Variants in UBR1 observed in about 807,000 individuals in gnomAD.
The protein encoded by UBR1 is E3 ubiquitin-protein ligase UBR1.
In UBR1, 102 loss-of-function variants were observed where a neutral mutation model predicts 242.1. The ratio of observed to expected loss-of-function variants is 0.42; its 90% CI spans 0.36 to 0.50. UBR1 has a LOEUF of 0.50. Ranked by LOEUF, UBR1 falls within the 20% of genes least tolerant of loss-of-function variation. The probability of loss-of-function intolerance (pLI) is 0.01; values close to 1 mark genes in which losing one functional copy is unlikely to be tolerated. For missense variants in UBR1, 1,772 were observed against 2,101.8 expected, an observed-to-expected ratio of 0.84 and a Z score of 3.07; for synonymous variants, 675 against 684.8, an observed-to-expected ratio of 0.99 and a Z score of 0.22.
At chr15:42,986,735 C>T (rs2032465956) in intron 35 of UBR1, among the ~76,000 whole-genome samples, 1 of 152,188 alleles carries the variant, frequency 6.6e-6, no homozygotes, top group African/African-American at 2.4e-5. Context: ...CAAGCACATC[C>T]ACCCACAGTG....
chr15:42,956,684 T>C (rs1034673710), intron 44 of UBR1, among the ~76,000 whole-genome samples: 2 of 152,228 alleles, frequency 1.3e-5, no homozygotes, highest in African/African-American at 4.8e-5. Context: ...TCCAGGGGAA[T>C]GCTTAATAAA....
chr15:43,056,465 C>A, intron 10 of UBR1, 23 bp from the exon 11 acceptor site: 5 of 1,507,806 alleles, frequency 3.3e-6, no homozygotes, highest in South Asian at 2.3e-5. Flanking sequence ...AGTAGAGAAT[C>A]AATTATAAAT....
intron 15 of UBR1, among the ~76,000 whole-genome samples, chr15:43,040,738 A>T (rs1468896064): frequency 6.6e-6 from 1 of 152,262 alleles, no homozygotes; most frequent in Non-Finnish European, 1.5e-5. Flanking sequence ...GGACTCAAAC[A>T]AATTTACAAG....
intron 29 of UBR1, among the ~76,000 whole-genome samples, chr15:43,014,474 G>T (rs1365230902): frequency 2.0e-5 from 3 of 152,084 alleles, no homozygotes; most frequent in African/African-American, 7.2e-5. Context: ...TCTAGGAAGT[G>T]AGGAGCGTCT....
At position 43,067,942 on chromosome 15, in the gene UBR1, C is replaced by G; in HGVS notation, c.754G>C (p.Glu252Gln). Reference protein sequence around the residue: ...IYSLQRALDCELAEAQLHTTA... With the variant: ...IYSLQRALDCQLAEAQLHTTA... The stretch of plus-strand genomic sequence containing the variant: ...GTATGCAACTGGGCCTCTGCGAGCT[C>G]ACAGTCAAGAGCTCTTTGTAGGCTG... Residue 252 changes from glutamate to glutamine, a missense_variant, in exon 6 of 47, where the codon GAG becomes CAG. This residue lies in a region of UBR1 where 734 missense variants were observed against 893.3 expected (regional missense o/e 0.82). Coordinates refer to ENST00000290650, the MANE Select transcript of UBR1 (RefSeq NM_174916.3). The G allele has an allele frequency of 6.2e-7, 1 of 1,613,882 alleles. No individual in the cohort carries two copies. The highest frequency in any genetic ancestry group is 1.1e-5 in the South Asian group (1 of 91,064).
At position 43,015,854 on chromosome 15, in the gene UBR1, C is replaced by T; in HGVS notation, c.3043G>A (p.Glu1015Lys). ...GCTTTTCTTTTTCGTTCTGCTTTTTCTTTATCATGAGTAATCTGGGTATTA... is the reference window on the plus strand; with the variant it reads ...GCTTTTCTTTTTCGTTCTGCTTTTTTTTTATCATGAGTAATCTGGGTATTA... ...IKNDEITHDK[E>K]KAERKRKAEA... The change falls in exon 29 of 47, where the codon GAA becomes AAA. Residue 1015 changes from glutamate to lysine, a missense_variant. Transcript: ENST00000290650. 1 of 1,613,914 alleles carries T rather than the reference C, an allele frequency of 6.2e-7. No individual in the cohort carries two copies. Among genetic ancestry groups the T allele is most frequent in the Non-Finnish European group, 8.5e-7 (1 of 1,179,964 alleles).
intron 11 of UBR1, among the ~76,000 whole-genome samples, chr15:43,055,742 C>T (rs2033609879): frequency 6.6e-6 from 1 of 152,078 alleles, no homozygotes. Context: ...TGGTGAAACC[C>T]CGTCTCTACT....
chr15:43,011,641 T>G (rs1471879544), intron 29 of UBR1, among the ~76,000 whole-genome samples: 1 of 152,160 alleles, frequency 6.6e-6, no homozygotes, highest in East Asian at 1.9e-4. Flanking sequence ...TAAGTATTAG[T>G]GAGAACAAAG....
chr15:43,085,217 A>G (rs1472983757), intron 2 of UBR1, among the ~76,000 whole-genome samples: 1 of 152,250 alleles, frequency 6.6e-6, no homozygotes, highest in African/African-American at 2.4e-5. Context: ...ACATGCGACT[A>G]CAGGCATGAT....
chr15:43,037,835 C>A lies in UBR1; in HGVS notation c.1960G>T (p.Val654Leu). 2 of 1,614,118 alleles carry A rather than the reference C, an allele frequency of 1.2e-6. No homozygotes were observed. Among genetic ancestry groups the A allele is most frequent in the Non-Finnish European group, 1.7e-6 (2 of 1,180,012 alleles). The change falls in exon 17 of 47, where the codon GTG (valine) becomes TTG (leucine). Residue 654 changes from valine (V) to leucine (L), a missense_variant. Val to Leu is a conservative substitution (Grantham distance 32). This residue lies in a region of UBR1 where 734 missense variants were observed against 893.3 expected (regional missense o/e 0.82). Transcript: ENST00000290650. ...VLVEYPLRCL[V>L]LVAQVVAEMW... ...TCAGCAACAACCTGGGCAACCAACA[C>A]CAGACAACGTAAAGGATATTCCACT... is the stretch of plus-strand genomic sequence containing the variant.
intron 11 of UBR1, among the ~76,000 whole-genome samples, chr15:43,055,490 T>C (rs2033606412): frequency 2.0e-5 from 3 of 152,148 alleles, no homozygotes; most frequent in Admixed American, 2.0e-4. Flanking sequence ...ATATACTTCA[T>C]GACTTCTAGC....
intron 5 of UBR1, 148 bp downstream of exon 5, chr15:43,070,647 A>G (rs2033813646): frequency 1.6e-6 from 2 of 1,244,010 alleles, no homozygotes; most frequent in Admixed American, 1.8e-5. Context: ...ATACAAACGG[A>G]CATTTTGAAA....
intron 2 of UBR1, 132 bp downstream of exon 2, chr15:43,085,852 G>C (rs748591563): frequency 2.1e-6 from 2 of 968,870 alleles, no homozygotes; most frequent in Non-Finnish European, 2.9e-6. Context: ...GGAGGCAGAG[G>C]TTGCAGTGAC....
chr15:43,030,070 T>C lies in UBR1; in HGVS notation c.2255-2A>G. 6.2e-7 allele frequency: 1 copy of C among 1,613,438 alleles called. No individual in the cohort carries two copies. The highest frequency in any genetic ancestry group is 8.5e-7 in the Non-Finnish European group (1 of 1,179,752). ...CCACTCCAGGTACATAACGCTCACC[T>C]AGTTCAAATAATTAAAAACAAAAAA... On this transcript the variant is annotated splice_acceptor_variant, in intron 20 of 46. Coordinates refer to ENST00000290650, the MANE Select transcript of UBR1 (RefSeq NM_174916.3). LOFTEE classifies it high-confidence loss of function.
At chr15:42,971,964 A>G (rs1350836663) in intron 39 of UBR1, among the ~76,000 whole-genome samples, 1 of 152,206 alleles carries the variant, frequency 6.6e-6, no homozygotes, top group East Asian at 1.9e-4. Flanking sequence ...CCACCTATCA[A>G]CATTTGGCAC....
intron 2 of UBR1, among the ~76,000 whole-genome samples, chr15:43,085,776 C>A (rs572983988): frequency 6.6e-6 from 1 of 151,932 alleles, no homozygotes; most frequent in African/African-American, 2.4e-5. Context: ...CCCAGCCAGA[C>A]GTGGTGGCGG....
At position 43,003,817 on chromosome 15, in the gene UBR1, A is replaced by G; in HGVS notation, c.3509+20T>C. 1 of 1,612,418 alleles carries G rather than the reference A, an allele frequency of 6.2e-7. No individual in the cohort carries two copies. On this transcript the variant is annotated intron_variant, in intron 31 of 46. Transcript: ENST00000290650. Reference sequence around the variant, plus strand: ...AATGTTCCTAGTCTCTTTCAAGAACATGTCAGAAGGACAACTTACTTCTGC... The same window carrying G: ...AATGTTCCTAGTCTCTTTCAAGAACGTGTCAGAAGGACAACTTACTTCTGC...
chr15:43,037,464 A>G (rs1308666999), intron 17 of UBR1, among the ~76,000 whole-genome samples: 1 of 152,224 alleles, frequency 6.6e-6, no homozygotes, highest in Non-Finnish European at 1.5e-5. Flanking sequence ...GATGGTGGAA[A>G]GACTAAAGGC....
rs1431607732 is a variant in UBR1 at position 43,007,082 on chromosome 15, C to T, written c.3412G>A (p.Gly1138Arg). ...QHRGKPIELSGEALDPLFMDP... is the reference protein window; with the variant it reads ...QHRGKPIELSREALDPLFMDP... The stretch of plus-strand genomic sequence containing the variant: ...ATATTTATTAAATAATACATACCTC[C>T]TGAGAGTTCTATGGGTTTTCCCCTG... Residue 1138 changes from glycine (G) to arginine (R), a missense_variant, in exon 30 of 47, where the codon GGA becomes AGA. Physicochemically the swap from Gly to Arg is moderately radical, Grantham distance 125. Transcript: ENST00000290650. 7.4e-6 allele frequency: 12 copies of T among 1,614,022 alleles called. No homozygotes were observed. The highest frequency in any genetic ancestry group is 1.0e-5 in the Non-Finnish European group (12 of 1,179,930).
Sources: allele counts gnomAD v4.1 joint callset (sites outside exome capture counted in the v4.1 genomes callset), GRCh38; gene constraint gnomAD v4.1.1; regional missense constraint gnomAD v4.1.1; transcripts MANE v1.5; gene names NCBI Gene and HGNC (gene_info 2026-07-23, HGNC 2026-07-21).